Variants in CD99L2 observed in about 807,000 individuals in gnomAD.
CD99L2 encodes the protein CD99 molecule like 2.
CD99L2 carries 24 observed loss-of-function variants against 27.3 expected under a neutral mutation model. That is an observed-to-expected ratio of 0.88 (90% CI 0.64 to 1.24). The LOEUF is 1.24. Among genes scored for constraint, CD99L2 ranks in the 50% most tolerant of loss-of-function variants. CD99L2 has a pLI of 0.00. For synonymous variants in CD99L2, 97 were observed against 87.9 expected (o/e 1.10, Z -0.58); for missense variants, 255 against 221.6 (o/e 1.15, Z -0.96).
intron 4 of CD99L2, among the ~76,000 whole-genome samples, chrX:150,809,081 G>A (rs1193940630): frequency 9.0e-6 from 1 of 110,963 alleles, no homozygotes; most frequent in African/African-American, 3.3e-5. Context: ...AAATGCAGGT[G>A]GCCTCTATAA....
chrX:150,892,581 G>A (rs2047533465), intron 1 of CD99L2, among the ~76,000 whole-genome samples: 1 of 88,121 alleles, frequency 1.1e-5, no homozygotes, highest in African/African-American at 4.6e-5. Flanking sequence ...ACTCCAACCT[G>A]GGCGACAGAG....
intron 1 of CD99L2, among the ~76,000 whole-genome samples, chrX:150,876,180 G>T (rs1303027325): frequency 8.9e-6 from 1 of 112,113 alleles, no homozygotes; most frequent in African/African-American, 3.2e-5. Flanking sequence ...ACATTTTTCA[G>T]AATGCTTTTG....
chrX:150,887,561 C>T (rs1293014301), intron 1 of CD99L2, among the ~76,000 whole-genome samples: 2 of 111,233 alleles, frequency 1.8e-5, no homozygotes, highest in Non-Finnish European at 3.8e-5. Context: ...GGCTGCCCCA[C>T]CTTGAGGGTT....
rs782818011 is a variant in CD99L2, at chrX:150,889,233, A to AG, written c.67+9288dup. 5.1e-3 allele frequency among the ~76,000 whole-genome samples: 574 copies of AG among 112,748 alleles called. 7 individuals are homozygous for AG. Among genetic ancestry groups the AG allele is most frequent in the Middle Eastern group, 0.014 (3 of 217 alleles). On this transcript the variant is annotated intron_variant, in intron 1 of 10. Coordinates refer to ENST00000370377, the MANE Select transcript of CD99L2 (RefSeq NM_031462.4). ...GGGTCCTGGCTGCTCATTCAGGATA[A>AG]GGCCTGCTGCCTGCCATCTGCCCTT...
intron 1 of CD99L2, among the ~76,000 whole-genome samples, chrX:150,840,052 T>C (rs2046598128): frequency 9.3e-6 from 1 of 107,458 alleles, no homozygotes; most frequent in African/African-American, 3.4e-5. Context: ...AAAAAAAAAA[T>C]TAGCTGGGCA....
At chrX:150,822,180 C>T (rs1295341054) in intron 2 of CD99L2, among the ~76,000 whole-genome samples, 1 of 112,235 alleles carries the variant, frequency 8.9e-6, no homozygotes, top group African/African-American at 3.2e-5. Flanking sequence ...TGGAGTATTA[C>T]TTAGCCATAA....
chrX:150,778,707 T>TAA (rs1557419368), intron 7 of CD99L2, among the ~76,000 whole-genome samples: 2 of 99,464 alleles, frequency 2.0e-5, no homozygotes, highest in African/African-American at 7.5e-5. Context: ...TATATATATA[T>TAA]ATAAATAAAA....
intron 9 of CD99L2, among the ~76,000 whole-genome samples, chrX:150,775,710 A>G (rs1259572841): frequency 8.9e-6 from 1 of 112,380 alleles, no homozygotes; most frequent in African/African-American, 3.2e-5. Flanking sequence ...CAGAGCAATA[A>G]GGGCCGTGCT....
intron 1 of CD99L2, among the ~76,000 whole-genome samples, chrX:150,855,298 G>A (rs2046859860): frequency 8.9e-6 from 1 of 111,868 alleles, no homozygotes; most frequent in Admixed American, 9.5e-5. Context: ...GTCCATTCTT[G>A]CCTTGCTATA....
chrX:150,892,381 C>A (rs1045680499), intron 1 of CD99L2, among the ~76,000 whole-genome samples: 74 of 107,636 alleles, frequency 6.9e-4, no homozygotes, highest in African/African-American at 2.5e-3. Context: ...CCGAGGCAGG[C>A]GGATCACGAG....
rs782149172 is a variant in CD99L2 at position 150,769,684 on chromosome X, AC to A, written c.722-584del. On this transcript the variant is annotated intron_variant, in intron 10 of 10. Coordinates refer to ENST00000370377, the MANE Select transcript of CD99L2 (RefSeq NM_031462.4). ...CTGTCCTAGTCTCCCTGCCTGCGCC[AC>A]CAGGCCTCGGCTGCTCCCCGACCCC... Among the ~76,000 whole-genome samples the A allele has an allele frequency of 3.3e-5, 3 of 91,510 alleles. No individual in the cohort carries two copies. In the South Asian group the frequency reaches 1.2e-3, roughly 38 times the overall value. 79.5% of individuals were successfully genotyped at this position (91,510 alleles called of 115,157 possible). A position where few individuals can be genotyped will look rare whatever the true frequency, so the allele number is the denominator to read the frequency against.
At position 150,767,972 on chromosome X, in the gene CD99L2, G is replaced by A. The variant is rs2043339297; in HGVS notation, c.*1062C>T. 8.9e-6 allele frequency: 1 copy of A among 112,145 alleles called. No homozygotes were observed. Among genetic ancestry groups the A allele is most frequent in the South Asian group, 3.7e-4 (1 of 2,720 alleles). The allele number at this position is 112,145 out of a possible 1,213,427, so 9.2% of individuals were successfully genotyped here. ...GTCATGGGGTTCCTGTGTTTGCCAC[G>A]GTGAGCATGGCTCCCCACGCACTCT... On this transcript the variant is annotated 3_prime_UTR_variant, in exon 11 of 11. Coordinates refer to ENST00000370377, the MANE Select transcript of CD99L2 (RefSeq NM_031462.4).
intron 1 of CD99L2, among the ~76,000 whole-genome samples, chrX:150,860,873 C>T (rs989099098): frequency 9.0e-6 from 1 of 110,623 alleles, no homozygotes; most frequent in Non-Finnish European, 1.9e-5. Context: ...ATTGGCCAGG[C>T]GCGGTGGCTC....
At chrX:150,769,568 T>C (rs2148701757) in intron 10 of CD99L2, among the ~76,000 whole-genome samples, 1 of 112,342 alleles carries the variant, frequency 8.9e-6, no homozygotes, top group East Asian at 2.8e-4. Context: ...TGGCTCCCAG[T>C]ACACACCACA....
In CD99L2 at chrX:150,768,273, C is replaced by G. The variant is rs1557418771; in HGVS notation, c.*761G>C. 1 of 112,009 alleles carries G rather than the reference C, an allele frequency of 8.9e-6. No individual in the cohort carries two copies. The highest frequency in any genetic ancestry group is 1.9e-5 in the Non-Finnish European group (1 of 53,194). 9.2% of individuals were successfully genotyped at this position (112,009 alleles called of 1,213,427 possible). Reference sequence around the variant, plus strand: ...TTGCTAAAGACCTTTCTCATGTCAACCCGAAGGCCACACCCAGCCCCCTAT... The same window carrying G: ...TTGCTAAAGACCTTTCTCATGTCAAGCCGAAGGCCACACCCAGCCCCCTAT... On this transcript the variant is annotated 3_prime_UTR_variant, in exon 11 of 11. Coordinates refer to ENST00000370377, the MANE Select transcript of CD99L2 (RefSeq NM_031462.4).
chrX:150,836,299 G>C (rs138527426), intron 1 of CD99L2, among the ~76,000 whole-genome samples: 155 of 111,289 alleles, frequency 1.4e-3, no homozygotes, highest in African/African-American at 4.8e-3. Context: ...ATACAAAAAT[G>C]GATTAGAGTA....
chrX:150,866,932 A>T (rs995362905), intron 1 of CD99L2, among the ~76,000 whole-genome samples: 1 of 111,094 alleles, frequency 9.0e-6, no homozygotes. Flanking sequence ...TATAAATCCA[A>T]AATGTTCTAA....
intron 1 of CD99L2, among the ~76,000 whole-genome samples, chrX:150,892,166 A>C (rs1431729891): frequency 9.1e-6 from 1 of 110,379 alleles, no homozygotes; most frequent in African/African-American, 3.3e-5. Flanking sequence ...GGTTGCAGTG[A>C]GCCAAGATCG....
chrX:150,894,205 T>C (rs2047567624), intron 1 of CD99L2, among the ~76,000 whole-genome samples: 1 of 112,107 alleles, frequency 8.9e-6, no homozygotes, highest in Non-Finnish European at 1.9e-5. Flanking sequence ...TCTGTCTCTA[T>C]GGATTTGCCA....
Sources: allele counts gnomAD v4.1 joint callset (sites outside exome capture counted in the v4.1 genomes callset), GRCh38; gene constraint gnomAD v4.1.1; transcripts MANE v1.5; gene names NCBI Gene and HGNC (gene_info 2026-07-23, HGNC 2026-07-21).